SI: variants seen among roughly 807,000 people sequenced by gnomAD.
SI encodes the protein sucrase-isomaltase, intestinal.
Under a neutral mutation model 253.3 loss-of-function variants are expected in SI, and 235 were observed. The observed-to-expected ratio is 0.93, with a 90% CI of 0.83 to 1.03. SI has a LOEUF of 1.03. Among genes scored for constraint, SI ranks in the 50% least tolerant of loss-of-function variants. The pLI is 0.00. For synonymous variants in SI, 819 were observed against 712.0 expected (o/e 1.15, Z -2.39); for missense variants, 2,442 against 2,211.1 (o/e 1.10, Z -2.09).
At chr3:164,998,427 C>T (rs567220733) in intron 38 of SI, 113 bp downstream of exon 38, 34 of 1,079,162 alleles carry the variant, frequency 3.2e-5, no homozygotes, top group South Asian at 1.0e-4. Context: ...ACATAAAGTA[C>T]GATGTGAAGA....
chr3:165,005,232 T>A (rs903113463), intron 37 of SI, among the ~76,000 whole-genome samples: 4 of 151,980 alleles, frequency 2.6e-5, no homozygotes, highest in Non-Finnish European at 4.4e-5. Context: ...ACAGCAGGGA[T>A]GGTTAATGGG....
chr3:164,981,330 A>C (rs1717180627), intron 47 of SI, among the ~76,000 whole-genome samples: 1 of 152,046 alleles, frequency 6.6e-6, no homozygotes, highest in African/African-American at 2.4e-5. Flanking sequence ...TGAGTTTCAA[A>C]AAGATGGAAC....
intron 12 of SI, among the ~76,000 whole-genome samples, chr3:165,058,197 A>G (rs1373996967): frequency 6.6e-6 from 1 of 152,034 alleles, no homozygotes; most frequent in East Asian, 1.9e-4. Context: ...CACTGGGTCA[A>G]TGAATAAATT....
intron 30 of SI, 42 bp downstream of exon 30, chr3:165,017,719 A>G (rs1213050694): frequency 6.3e-7 from 1 of 1,599,562 alleles, no homozygotes; most frequent in Non-Finnish European, 8.5e-7. Context: ...ACTTTATGCT[A>G]TAAAAATTTT....
At chr3:165,080,781 T>A (rs546881427), upstream of SI, among the ~76,000 whole-genome samples, 1 of 151,966 alleles carries the variant, frequency 6.6e-6, no homozygotes, top group Admixed American at 6.6e-5. Flanking sequence ...AGGGATAGCA[T>A]TGGGAGATAT....
chr3:165,059,250 G>A lies in SI; in HGVS notation c.1196C>T (p.Thr399Ile), dbSNP rs75188774. ...TCCGTTAAACGCAACTTGATCATAA[G>A]TAAAGTCTTTCTTGTCTTCCATGTA... The part of the protein sequence containing the change: ...IDYMEDKKDF[T>I]YDQVAFNGLP... Residue 399 changes from threonine (T) to isoleucine (I), a missense_variant, in exon 11 of 48, where the codon ACT (threonine) becomes ATT (isoleucine). Coordinates refer to ENST00000264382, the MANE Select transcript of SI (RefSeq NM_001041.4). 5.6e-6 allele frequency: 9 copies of A among 1,612,742 alleles called. No individual in the cohort carries two copies. The highest frequency in any genetic ancestry group is 1.3e-5 in the African/African-American group (1 of 74,972).
chr3:165,017,603 T>G lies in SI; in HGVS notation c.3704A>C (p.Asn1235Thr). ...ATATAATTCCCGAACCTCTGAAGTA[T>G]TTGCATATCCATAACGACATAATTG... ...GFQLCRYGYA[N>T]TSEVRELYDA... is the part of the protein sequence containing the mutation. The change falls in exon 31 of 48, where the codon AAT (asparagine) becomes ACT (threonine). Residue 1235 changes from asparagine to threonine, a missense_variant. By Grantham distance (65) the Asn-to-Thr change is moderately conservative. Transcript: ENST00000264382. 1 of 1,612,824 alleles carries G rather than the reference T, an allele frequency of 6.2e-7. No individual in the cohort carries two copies. The highest frequency in any genetic ancestry group is 8.5e-7 in the Non-Finnish European group (1 of 1,179,106).
intron 7 of SI, among the ~76,000 whole-genome samples, chr3:165,063,763 CAT>C (rs1204210053): frequency 6.7e-6 from 1 of 149,668 alleles, no homozygotes; most frequent in African/African-American, 2.4e-5. Flanking sequence ...AAATATATAA[CAT>C]ATATAATACT....
intron 15 of SI, among the ~76,000 whole-genome samples, chr3:165,047,661 TCAA>T (rs1308318611): frequency 6.6e-6 from 1 of 152,056 alleles, no homozygotes; most frequent in Non-Finnish European, 1.5e-5. Context: ...TGGTATCCAC[TCAA>T]CATTTGGTTT....
intron 37 of SI, among the ~76,000 whole-genome samples, chr3:165,004,001 T>A (rs1262664044): frequency 1.3e-5 from 2 of 151,968 alleles, no homozygotes; most frequent in Non-Finnish European, 2.9e-5. Flanking sequence ...AAAGACGCAG[T>A]GAAAAGACAA....
chr3:165,015,014 C>T lies in SI; in HGVS notation c.3999+109G>A, dbSNP rs563523258. The T allele has an allele frequency of 2.1e-5, 16 of 765,288 alleles. No homozygotes were observed. In the African/African-American group the frequency reaches 2.6e-4, roughly 13 times the overall value. 47.4% of individuals were successfully genotyped at this position (765,288 alleles called of 1,614,324 possible). A position where few individuals can be genotyped will look rare whatever the true frequency, so the allele number is the denominator to read the frequency against. ...TATTTTATTAGTTATTAAATCATTA[C>T]ATTTCTGTATAGCTCTCCTGAACGG... On this transcript the variant is annotated intron_variant, in intron 33 of 47. Transcript: ENST00000264382.
At chr3:164,983,104 T>C (rs769600801) in intron 45 of SI, 53 bp from the exon 46 acceptor site, 58 of 1,487,538 alleles carry the variant, frequency 3.9e-5, no homozygotes, top group Non-Finnish European at 5.3e-5. Flanking sequence ...AGAAGAACCA[T>C]AGTAAATACC....
At chr3:165,012,894 G>T (rs1718833949) in intron 34 of SI, 86 bp downstream of exon 34, 3 of 858,304 alleles carry the variant, frequency 3.5e-6, no homozygotes, top group African/African-American at 1.7e-5. Context: ...TTAAAGAAAA[G>T]CATTCAAATT....
chr3:165,060,446 G>A (rs1713930518), intron 9 of SI, among the ~76,000 whole-genome samples: 1 of 151,906 alleles, frequency 6.6e-6, no homozygotes, highest in Admixed American at 6.6e-5. Context: ...ATGTTTAAAA[G>A]TACAGAATTT....
At chr3:165,006,714 A>G in intron 37 of SI, 102 bp downstream of exon 37, 1 of 997,972 alleles carries the variant, frequency 1.0e-6, no homozygotes, top group Non-Finnish European at 1.6e-6. Flanking sequence ...TGGGAAGTAA[A>G]GAGATACAAG....
chr3:165,060,110 T>C (rs1009469822), intron 9 of SI, 83 bp from the exon 10 acceptor site: 10 of 1,169,004 alleles, frequency 8.6e-6, no homozygotes, highest in Non-Finnish European at 1.3e-5. Context: ...TGCCTCTTAT[T>C]TTCTTATATC....
intron 3 of SI, among the ~76,000 whole-genome samples, chr3:165,070,937 T>A (rs1298565220): frequency 6.6e-6 from 1 of 152,098 alleles, no homozygotes; most frequent in Non-Finnish European, 1.5e-5. Flanking sequence ...TAGCTTCTAG[T>A]GGCTCCTGGC....
intron 27 of SI, among the ~76,000 whole-genome samples, chr3:165,020,726 AAAAT>A (rs1184119584): frequency 1.3e-5 from 2 of 151,542 alleles, no homozygotes; most frequent in African/African-American, 2.4e-5. Flanking sequence ...TCTTTTGAAT[AAAAT>A]AAAGACTACA....
chr3:165,074,631 C>CGAGTAGTAGCTGGAGTTG lies in SI; in HGVS notation c.137_154dup (p.Thr51_Arg52insProThrProAlaThrThr). ...TGAATCAGAAGGATTTGTAGTCACA[C>CGAGTAGTAGCTGGAGTTG]GAGTAGTAGCTGGAGTTGAAGTAGA... On this transcript the variant is annotated inframe_insertion, in exon 3 of 48. Transcript: ENST00000264382. 6.2e-7 allele frequency: 1 copy of CGAGTAGTAGCTGGAGTTG among 1,610,296 alleles called. No homozygotes were observed. Among genetic ancestry groups the CGAGTAGTAGCTGGAGTTG allele is most frequent in the Non-Finnish European group, 8.5e-7 (1 of 1,177,486 alleles).
Sources: gnomAD v4.1 joint callset for allele counts (sites outside exome capture counted in the v4.1 genomes callset) on GRCh38, gnomAD v4.1.1 for gene constraint, MANE v1.5 for transcripts, NCBI Gene and HGNC (gene_info 2026-07-23, HGNC 2026-07-21) for gene names.